Variants in NOTCH2 observed in about 807,000 individuals in gnomAD.
NOTCH2 encodes neurogenic locus notch homolog protein 2.
Under a neutral mutation model 235.8 loss-of-function variants are expected in NOTCH2, and 29 were observed. The observed-to-expected ratio is 0.12, with a 90% CI of 0.09 to 0.17. NOTCH2 has a LOEUF of 0.17. NOTCH2 is among the 10% of genes least tolerant of loss of function. The pLI, the probability that NOTCH2 is intolerant of heterozygous loss-of-function variation, is 1.00. For synonymous variants in NOTCH2, 1,086 were observed against 1,141.5 expected (o/e 0.95, Z 0.98); for missense variants, 2,285 against 3,150.2 (o/e 0.73, Z 6.57).
chr1:120,041,071 A>AAAAAAATATAT (rs1557859547), intron 1 of NOTCH2, among the ~76,000 whole-genome samples: 1 of 77,374 alleles, frequency 1.3e-5, no homozygotes, highest in African/African-American at 1.5e-4. Context: ...AAAAAAAAAA[A>AAAAAAATATAT]ATATATATAT....
intron 10 of NOTCH2, among the ~76,000 whole-genome samples, 171 bp downstream of exon 10, chr1:119,965,282 G>A (rs587767302): frequency 6.6e-6 from 1 of 152,356 alleles, no homozygotes; most frequent in East Asian, 1.9e-4. Flanking sequence ...GGAGGCAGGT[G>A]CTGCAGAAAA....
chr1:119,934,902 A>G (rs587595144), intron 22 of NOTCH2, among the ~76,000 whole-genome samples: 1 of 152,342 alleles, frequency 6.6e-6, no homozygotes, highest in Admixed American at 6.5e-5. Flanking sequence ...TCAGTTCAAA[A>G]GCAGTGGCAA....
At chr1:119,996,233 C>T (rs1222207052) in intron 4 of NOTCH2, 2 of 178,258 alleles carry the variant, frequency 1.1e-5, no homozygotes, top group Non-Finnish European at 1.2e-5. Flanking sequence ...CCATGGAACA[C>T]CAGGCCCCAA....
chr1:119,926,550 A>G lies in NOTCH2; in HGVS notation c.3954T>C (p.Thr1318=). ...CPQMPCLNGG[T]CAVASNMPDG... ...CAGGCATGTTACTGGCCACAGCACAAGTCCCTCCATTCAGGCAGGGCATCT... is the reference window on the plus strand; with the variant it reads ...CAGGCATGTTACTGGCCACAGCACAGGTCCCTCCATTCAGGCAGGGCATCT... Residue 1318 remains threonine (T), a synonymous_variant, in exon 24 of 34, where the codon ACT becomes ACC. Transcript: ENST00000256646. 6.2e-7 allele frequency: 1 copy of G among 1,609,880 alleles called. No homozygotes were observed. Among genetic ancestry groups the G allele is most frequent in the Non-Finnish European group, 8.5e-7 (1 of 1,177,818 alleles).
At chr1:119,929,725 G>A (rs2101170576) in intron 22 of NOTCH2, among the ~76,000 whole-genome samples, 1 of 152,296 alleles carries the variant, frequency 6.6e-6, no homozygotes, top group South Asian at 2.1e-4. Context: ...TAATGTCATA[G>A]CACAATTACT....
At chr1:120,048,337 C>T (rs1654882063) in intron 1 of NOTCH2, among the ~76,000 whole-genome samples, 1 of 137,380 alleles carries the variant, frequency 7.3e-6, no homozygotes, top group Admixed American at 6.9e-5. Flanking sequence ...GGAGACCTAC[C>T]AAATTGGTTT....
At chr1:119,938,257 C>T (rs994409012) in intron 19 of NOTCH2, among the ~76,000 whole-genome samples, 1 of 151,392 alleles carries the variant, frequency 6.6e-6, no homozygotes, top group African/African-American at 2.4e-5. Flanking sequence ...TTAAGGACAA[C>T]GATATATAAC....
At chr1:120,034,953 GAT>G (rs587702316) in intron 1 of NOTCH2, among the ~76,000 whole-genome samples, 344 of 152,346 alleles carry the variant, frequency 2.3e-3, no homozygotes, top group Middle Eastern at 0.021. Flanking sequence ...AAGAGCCCAT[GAT>G]AAGAATCACA....
intron 5 of NOTCH2, among the ~76,000 whole-genome samples, chr1:119,973,286 A>G (rs1274962371): frequency 6.6e-6 from 1 of 152,202 alleles, no homozygotes; most frequent in Admixed American, 6.5e-5. Flanking sequence ...AAAATTCAGA[A>G]TAGGAAAAAC....
Position 119,928,875 on chromosome 1 carries a change from A to C in NOTCH2, c.3892+101T>G, listed in dbSNP as rs587678728. 2.2e-3 allele frequency: 2,138 copies of C among 990,418 alleles called. 7 individuals are homozygous for C. Among genetic ancestry groups the C allele is most frequent in the Middle Eastern group, 4.6e-3 (15 of 3,240 alleles). The allele number at this position is 990,418 out of a possible 1,614,324, so 61.4% of individuals were successfully genotyped here. On this transcript the variant is annotated intron_variant, in intron 23 of 33. Coordinates refer to ENST00000256646, the MANE Select transcript of NOTCH2 (RefSeq NM_024408.4). ...AAGCTGCTGTTGTTTTTCTTATATA[A>C]GAAAAGCTTCACTTGGGTCTGGGAC...
At chr1:119,948,717 G>T in intron 16 of NOTCH2, 151 bp from the exon 17 acceptor site, 1 of 960,740 alleles carries the variant, frequency 1.0e-6, no homozygotes, top group Non-Finnish European at 1.6e-6. Flanking sequence ...GAAGACTTCT[G>T]TGGCCTAGGA....
intron 1 of NOTCH2, among the ~76,000 whole-genome samples, chr1:120,066,164 G>A (rs587724733): frequency 3.9e-5 from 6 of 152,232 alleles, no homozygotes; most frequent in South Asian, 4.1e-4. Flanking sequence ...TATCTCTTAC[G>A]TTAGCAATTT....
chr1:119,935,461 T>C lies in NOTCH2; in HGVS notation c.3655+11A>G, dbSNP rs782153427. On this transcript the variant is annotated intron_variant, in intron 22 of 33. Transcript: ENST00000256646. Reference sequence around the variant, plus strand: ...GCCCTGGATGGAAAATGGATAAGGATGATTTCATACCCCGAGTGCCTGGTG... The same window carrying C: ...GCCCTGGATGGAAAATGGATAAGGACGATTTCATACCCCGAGTGCCTGGTG... The C allele has an allele frequency of 6.2e-7, 1 of 1,614,196 alleles. No homozygotes were observed. Among genetic ancestry groups the C allele is most frequent in the Non-Finnish European group, 8.5e-7 (1 of 1,180,030 alleles).
chr1:120,041,015 T>C (rs1553212662), intron 1 of NOTCH2, among the ~76,000 whole-genome samples: 1 of 112,354 alleles, frequency 8.9e-6, no homozygotes, highest in African/African-American at 3.5e-5. Flanking sequence ...CACTCCAGCC[T>C]GGGCGACAGA....
intron 12 of NOTCH2, 52 bp from the exon 13 acceptor site, chr1:119,955,284 A>T (rs1304387819): frequency 6.4e-7 from 1 of 1,564,212 alleles, no homozygotes; most frequent in Non-Finnish European, 8.8e-7. Context: ...TAGGAAATAG[A>T]CCCAGAACTA....
At chr1:119,939,196 T>A (rs1178491410) in intron 19 of NOTCH2, among the ~76,000 whole-genome samples, 1 of 152,156 alleles carries the variant, frequency 6.6e-6, no homozygotes, top group East Asian at 1.9e-4. Flanking sequence ...AAAACAGATT[T>A]TTCCCCCACT....
intron 2 of NOTCH2, among the ~76,000 whole-genome samples, chr1:120,010,660 T>G (rs587703755): frequency 1.5e-3 from 231 of 152,160 alleles, no homozygotes; most frequent in African/African-American, 5.3e-3. Flanking sequence ...CACTATGCAT[T>G]TGTTAAGTGA....
At position 119,970,939 on chromosome 1, in the gene NOTCH2, C is replaced by G. The variant is rs797026079; in HGVS notation, c.875-1195G>C. ...TTTAAAAGGCACTCTGATAAAGAGGCCTCCTAATAAAAAAAGAACACAATA... is the reference window on the plus strand; with the variant it reads ...TTTAAAAGGCACTCTGATAAAGAGGGCTCCTAATAAAAAAAGAACACAATA... On this transcript the variant is annotated intron_variant, in intron 5 of 33. Transcript: ENST00000256646. Among the ~76,000 whole-genome samples, 4 of 152,236 alleles carry G rather than the reference C, an allele frequency of 2.6e-5. No homozygotes were observed. In the South Asian group the frequency reaches 6.2e-4, roughly 24 times the overall value.
intron 1 of NOTCH2, among the ~76,000 whole-genome samples, chr1:120,064,953 T>C (rs1655447824): frequency 6.6e-6 from 1 of 151,798 alleles, no homozygotes; most frequent in Admixed American, 6.6e-5. Flanking sequence ...GGTGTGGCTA[T>C]TCTGGACAAA....
Sources: gnomAD v4.1 joint callset for allele counts (sites outside exome capture counted in the v4.1 genomes callset) on GRCh38, gnomAD v4.1.1 for gene constraint, MANE v1.5 for transcripts, NCBI Gene and HGNC (gene_info 2026-07-23, HGNC 2026-07-21) for gene names.